UBE2E2: variants seen among roughly 807,000 people sequenced by gnomAD.
UBE2E2 encodes ubiquitin-conjugating enzyme E2 E2.
In UBE2E2, 6 loss-of-function variants were observed where a neutral mutation model predicts 24.7. That is an observed-to-expected ratio of 0.24 (90% confidence interval 0.13 to 0.48). The LOEUF (loss-of-function observed/expected upper bound fraction) is 0.48, where lower values mean the gene tolerates loss of function less well. Among genes scored for constraint, UBE2E2 ranks in the 20% least tolerant of loss-of-function variants. UBE2E2 has a pLI of 0.99. For synonymous variants in UBE2E2, 104 were observed against 83.6 expected, an observed-to-expected ratio of 1.24 and a Z score of -1.33; for missense variants, 169 against 245.0, an observed-to-expected ratio of 0.69 and a Z score of 2.07.
At chr3:23,437,890 G>A (rs1260568220) in intron 3 of UBE2E2, among the ~76,000 whole-genome samples, 2 of 152,196 alleles carry the variant, frequency 1.3e-5, no homozygotes, top group East Asian at 3.8e-4. Context: ...AAAACACAGA[G>A]ATTCCATGAA....
chr3:23,214,951 T>C (rs1233752830), intron 2 of UBE2E2, among the ~76,000 whole-genome samples: 3 of 152,160 alleles, frequency 2.0e-5, no homozygotes, highest in Non-Finnish European at 4.4e-5. Flanking sequence ...AATTGTTAAT[T>C]GAAGTAATAT....
chr3:23,330,410 C>G (rs1695028722), intron 3 of UBE2E2, among the ~76,000 whole-genome samples: 1 of 152,168 alleles, frequency 6.6e-6, no homozygotes, highest in Non-Finnish European at 1.5e-5. Context: ...TAAACTTAGT[C>G]TACGTTGCTG....
chr3:23,544,733 A>G (rs1163994403), intron 5 of UBE2E2, among the ~76,000 whole-genome samples: 1 of 152,230 alleles, frequency 6.6e-6, no homozygotes. Context: ...TTGGAAAAGA[A>G]AAAGACACAG....
intron 3 of UBE2E2, among the ~76,000 whole-genome samples, chr3:23,462,230 A>AAT (rs10700726): frequency 0.38 from 58,341 of 151,804 alleles, 12,264 homozygotes; most frequent in African/African-American, 0.55. Context: ...TTCTTATAGG[A>AAT]ATATATGCCT....
intron 3 of UBE2E2, among the ~76,000 whole-genome samples, chr3:23,248,163 C>T (rs1445155501): frequency 6.6e-6 from 1 of 152,090 alleles, no homozygotes; most frequent in Non-Finnish European, 1.5e-5. Context: ...AATTAGTGTC[C>T]TGATGTACTT....
At chr3:23,251,950 C>T (rs1697586326) in intron 3 of UBE2E2, among the ~76,000 whole-genome samples, 1 of 152,168 alleles carries the variant, frequency 6.6e-6, no homozygotes, top group Admixed American at 6.5e-5. Flanking sequence ...GTCATTTTAA[C>T]AGTGTTATTA....
intron 3 of UBE2E2, chr3:23,273,848 A>C (rs1407470239): frequency 6.6e-6 from 1 of 152,460 alleles, no homozygotes; most frequent in East Asian, 1.9e-4. Flanking sequence ...CCAACTGATC[A>C]CAGCCAGTTA....
At chr3:23,220,385 TACTC>T (rs1218986032) in intron 3 of UBE2E2, among the ~76,000 whole-genome samples, 1 of 152,200 alleles carries the variant, frequency 6.6e-6, no homozygotes, top group African/African-American at 2.4e-5. Flanking sequence ...TTAAAAACAT[TACTC>T]ACAGTTTAAT....
intron 3 of UBE2E2, among the ~76,000 whole-genome samples, chr3:23,353,310 C>G (rs887861519): frequency 1.3e-5 from 2 of 151,948 alleles, no homozygotes; most frequent in Admixed American, 1.3e-4. Context: ...GAAGCATTCC[C>G]TTTGAAAACT....
chr3:23,443,825 T>G (rs1268676865), intron 3 of UBE2E2, among the ~76,000 whole-genome samples: 1 of 152,206 alleles, frequency 6.6e-6, no homozygotes, highest in Non-Finnish European at 1.5e-5. Context: ...GCTTCCATAC[T>G]ACGATATGAG....
At chr3:23,332,065 T>A (rs559149933) in intron 3 of UBE2E2, among the ~76,000 whole-genome samples, 2 of 152,220 alleles carry the variant, frequency 1.3e-5, no homozygotes, top group African/African-American at 4.8e-5. Flanking sequence ...TTTTAAAGTA[T>A]GTAAAGGAAT....
chr3:23,222,370 C>T (rs1315979610), intron 3 of UBE2E2, among the ~76,000 whole-genome samples: 1 of 152,084 alleles, frequency 6.6e-6, no homozygotes, highest in African/African-American at 2.4e-5. Flanking sequence ...TACTGATATG[C>T]TTTGGCAATG....
intron 3 of UBE2E2, among the ~76,000 whole-genome samples, chr3:23,296,481 C>T (rs886849888): frequency 6.6e-6 from 1 of 152,218 alleles, no homozygotes; most frequent in South Asian, 2.1e-4. Flanking sequence ...ACAACAGGCC[C>T]CAGTGTGTGA....
At chr3:23,278,792 G>A (rs1698424013) in intron 3 of UBE2E2, among the ~76,000 whole-genome samples, 1 of 152,052 alleles carries the variant, frequency 6.6e-6, no homozygotes, top group South Asian at 2.1e-4. Flanking sequence ...ATTGATTCAT[G>A]GTAGAATTCA....
intron 3 of UBE2E2, among the ~76,000 whole-genome samples, chr3:23,266,774 C>T (rs1291712359): frequency 3.3e-5 from 5 of 152,162 alleles, no homozygotes; most frequent in Admixed American, 2.6e-4. Flanking sequence ...GCACACCACA[C>T]CTACTCCAAA....
intron 3 of UBE2E2, among the ~76,000 whole-genome samples, chr3:23,443,611 G>A (rs1698354330): frequency 6.6e-6 from 1 of 152,218 alleles, no homozygotes; most frequent in Non-Finnish European, 1.5e-5. Context: ...CGTCAACGCA[G>A]ATGCCATAGA....
At chr3:23,251,647 A>T (rs938449414) in intron 3 of UBE2E2, among the ~76,000 whole-genome samples, 1 of 152,230 alleles carries the variant, frequency 6.6e-6, no homozygotes, top group African/African-American at 2.4e-5. Context: ...AAAGTGATTC[A>T]TTATTAACTT....
At chr3:23,455,026 G>T (rs1698646873) in intron 3 of UBE2E2, among the ~76,000 whole-genome samples, 1 of 149,328 alleles carries the variant, frequency 6.7e-6, no homozygotes, top group Non-Finnish European at 1.5e-5. Context: ...ATGTCTTCCT[G>T]CCTAACCCAG....
At chr3:23,412,107 G>C (rs1027795908) in intron 3 of UBE2E2, among the ~76,000 whole-genome samples, 2 of 152,012 alleles carry the variant, frequency 1.3e-5, no homozygotes, top group African/African-American at 2.4e-5. Flanking sequence ...ACAAGGAAAA[G>C]TAGAAAGCTC....
Sources: gnomAD v4.1 joint callset for allele counts (sites outside exome capture counted in the v4.1 genomes callset) on GRCh38, gnomAD v4.1.1 for gene constraint, MANE v1.5 for transcripts, NCBI Gene and HGNC (gene_info 2026-07-23, HGNC 2026-07-21) for gene names.